Variants in FAM120C observed in about 807,000 individuals in gnomAD.
The protein encoded by FAM120C is constitutive coactivator of PPAR-gamma-like protein 2.
Under a neutral mutation model 71.2 loss-of-function variants are expected in FAM120C, and 14 were observed. The ratio of observed to expected loss-of-function variants is 0.20; its 90% CI spans 0.13 to 0.31. FAM120C has a LOEUF of 0.31. Among genes scored for constraint, FAM120C ranks in the 10% least tolerant of loss-of-function variants. The pLI is 1.00. For synonymous variants in FAM120C, 354 were observed against 353.2 expected, an observed-to-expected ratio of 1.00 and a Z score of -0.03; for missense variants, 500 against 879.0, an observed-to-expected ratio of 0.57 and a Z score of 5.45.
At chrX:54,091,109 C>T (rs2066821870) in intron 11 of FAM120C, among the ~76,000 whole-genome samples, 1 of 112,235 alleles carries the variant, frequency 8.9e-6, no homozygotes, top group Non-Finnish European at 1.9e-5. Flanking sequence ...TCCATCTTTT[C>T]TGTCCATTCT....
chrX:54,125,195 C>T (rs1349346959), intron 9 of FAM120C, among the ~76,000 whole-genome samples: 1 of 95,940 alleles, frequency 1.0e-5, no homozygotes, highest in Admixed American at 1.2e-4. Context: ...GGTAATAGAG[C>T]GAGACTCTGT....
At chrX:54,143,609 A>G (rs1351562059) in intron 4 of FAM120C, among the ~76,000 whole-genome samples, 1 of 112,129 alleles carries the variant, frequency 8.9e-6, no homozygotes, top group Non-Finnish European at 1.9e-5. Flanking sequence ...TCCCAAGACT[A>G]AACCAGGAAA....
chrX:54,124,537 TGA>T (rs1317633748), intron 9 of FAM120C, among the ~76,000 whole-genome samples: 1 of 97,812 alleles, frequency 1.0e-5, no homozygotes, highest in Non-Finnish European at 2.1e-5. Flanking sequence ...CCTGACCCCT[TGA>T]GCTTCCCAGG....
rs782447456 is a variant in FAM120C at position 54,073,256 on chromosome X, T to C, written c.3068A>G (p.Glu1023Gly). ...GSSDGVSKSLELHQGRSRSQV... is the reference protein window; with the variant it reads ...GSSDGVSKSLGLHQGRSRSQV... ...GGAGCGAGACCGACCTTGATGAAGC[T>C]CCAGGGATTTAGAAACTCCATCTGA... The change falls in exon 16 of 16, where the codon GAG becomes GGG. Residue 1023 changes from glutamate (E) to glycine (G), a missense_variant. By Grantham distance (98) the Glu-to-Gly change is moderately conservative (BLOSUM62 -2). This residue lies in a region of FAM120C where 85 missense variants were observed against 96.1 expected (regional missense o/e 0.88). Coordinates refer to ENST00000375180, the MANE Select transcript of FAM120C (RefSeq NM_017848.6). 1 of 1,206,177 alleles carries C rather than the reference T, an allele frequency of 8.3e-7. No homozygotes were observed.
In FAM120C at chrX:54,113,737, C is replaced by T. The variant is rs1203527183; in HGVS notation, c.2312+2808G>A. 2.8e-5 allele frequency among the ~76,000 whole-genome samples: 3 copies of T among 106,138 alleles called. 1 individual carries two copies. Among genetic ancestry groups the T allele is most frequent in the Admixed American group, 2.1e-4 (2 of 9,735 alleles). 92.2% of individuals were successfully genotyped at this position (106,138 alleles called of 115,157 possible). A position where few individuals can be genotyped will look rare whatever the true frequency, so the allele number is the denominator to read the frequency against. ...GACCAGCCTCAACATGGAGAAACCCCGTCTCTACTGAAAAAAAAAAAATAC... is the reference window on the plus strand; with the variant it reads ...GACCAGCCTCAACATGGAGAAACCCTGTCTCTACTGAAAAAAAAAAAATAC... On this transcript the variant is annotated intron_variant, in intron 10 of 15. Coordinates refer to ENST00000375180, the MANE Select transcript of FAM120C (RefSeq NM_017848.6).
intron 15 of FAM120C, among the ~76,000 whole-genome samples, chrX:54,075,589 G>C (rs1461702111): frequency 9.2e-6 from 1 of 108,884 alleles, no homozygotes; most frequent in Non-Finnish European, 1.9e-5. Flanking sequence ...ACAAGGTCAG[G>C]GGTTGAGCAC....
chrX:54,078,346 G>A (rs1006932884), intron 15 of FAM120C, among the ~76,000 whole-genome samples: 1 of 111,086 alleles, frequency 9.0e-6, no homozygotes, highest in African/African-American at 3.3e-5. Flanking sequence ...ACTACCTTAC[G>A]AGAGCCTATC....
intron 11 of FAM120C, among the ~76,000 whole-genome samples, chrX:54,089,737 G>A (rs782555372): frequency 3.6e-5 from 4 of 110,823 alleles, no homozygotes; most frequent in Non-Finnish European, 7.6e-5. Context: ...CAAGGTGGGC[G>A]GATCACCCGA....
intron 15 of FAM120C, among the ~76,000 whole-genome samples, chrX:54,078,931 G>A (rs1652039713): frequency 1.8e-5 from 2 of 109,050 alleles, no homozygotes; most frequent in Non-Finnish European, 3.8e-5. Flanking sequence ...TTAAGAGGCT[G>A]GAGGATCACT....
chrX:54,095,149 A>C (rs1386980556), intron 10 of FAM120C, among the ~76,000 whole-genome samples: 1 of 111,890 alleles, frequency 8.9e-6, no homozygotes, highest in East Asian at 2.8e-4. Flanking sequence ...AGGTGCTTTT[A>C]GTTACCATTT....
rs1343945954 is a variant in FAM120C, at chrX:54,069,481, T to C, written c.*3552A>G. 9.0e-6 allele frequency: 1 copy of C among 111,016 alleles called. No individual in the cohort carries two copies. Among genetic ancestry groups the C allele is most frequent in the Non-Finnish European group, 1.9e-5 (1 of 53,033 alleles). 9.1% of individuals were successfully genotyped at this position (111,016 alleles called of 1,213,427 possible). A position where few individuals can be genotyped will look rare whatever the true frequency, so the allele number is the denominator to read the frequency against. On this transcript the variant is annotated 3_prime_UTR_variant, in exon 16 of 16. Transcript: ENST00000375180. ...GGTCGTAGAGGCTGTAATGGTAACA[T>C]TGACATGCCCACAGGAGCCTTGTAA...
At position 54,152,723 on chromosome X, in the gene FAM120C, C is replaced by A. The variant is rs1456593005; in HGVS notation, c.1030-1350G>T. On this transcript the variant is annotated intron_variant, in intron 3 of 15. Coordinates refer to ENST00000375180, the MANE Select transcript of FAM120C (RefSeq NM_017848.6). Reference sequence around the variant, plus strand: ...TCTGAATTTTTATAAATTGTTTTGCCAAAAGGCTTTATTATTCATTCCTTA... The same window carrying A: ...TCTGAATTTTTATAAATTGTTTTGCAAAAAGGCTTTATTATTCATTCCTTA... Among the ~76,000 whole-genome samples, 3 of 112,232 alleles carry A rather than the reference C, an allele frequency of 2.7e-5. No individual in the cohort carries two copies. The Admixed American group carries it at 2.8e-4, about 11-fold the overall frequency.
chrX:54,131,427 C>T (rs2067065314), intron 9 of FAM120C, among the ~76,000 whole-genome samples: 1 of 108,913 alleles, frequency 9.2e-6, no homozygotes, highest in Non-Finnish European at 1.9e-5. Context: ...TGCCACCATG[C>T]CCAGCTAATT....
chrX:54,115,918 C>G (rs1217736338), intron 10 of FAM120C, among the ~76,000 whole-genome samples: 1 of 110,971 alleles, frequency 9.0e-6, no homozygotes, highest in South Asian at 3.9e-4. Flanking sequence ...CCCATCTCTA[C>G]TAAAAATACA....
chrX:54,110,305 A>T (rs902683317), intron 10 of FAM120C, among the ~76,000 whole-genome samples: 4 of 109,559 alleles, frequency 3.7e-5, no homozygotes, highest in African/African-American at 1.3e-4. Context: ...TATCTTTATG[A>T]CTTAGGGGTA....
chrX:54,170,447 T>G lies in FAM120C; in HGVS notation c.700-10831A>C, dbSNP rs1349881940. Reference sequence around the variant, plus strand: ...CGTGCCCGGCCCAATTTTAGTACTCTTAATTACTCTTAGGCTGCCAGAAGC... The same window carrying G: ...CGTGCCCGGCCCAATTTTAGTACTCGTAATTACTCTTAGGCTGCCAGAAGC... On this transcript the variant is annotated intron_variant, in intron 1 of 15. Coordinates refer to ENST00000375180, the MANE Select transcript of FAM120C (RefSeq NM_017848.6). Among the ~76,000 whole-genome samples, 3 of 111,961 alleles carry G rather than the reference T, an allele frequency of 2.7e-5. No individual in the cohort carries two copies. In the Admixed American group the frequency reaches 2.9e-4, roughly 11 times the overall value.
chrX:54,136,690 T>C lies in FAM120C; in HGVS notation c.1159-100A>G. 11 of 622,577 alleles carry C rather than the reference T, an allele frequency of 1.8e-5. No homozygotes were observed. The South Asian group carries it at 2.7e-4, about 15-fold the overall frequency. 51.3% of individuals were successfully genotyped at this position (622,577 alleles called of 1,213,427 possible). A position where few individuals can be genotyped will look rare whatever the true frequency, so the allele number is the denominator to read the frequency against. ...ATCAAAATAATTATCAGAAATCAAATATTTAAAGAAACCTAAGAAAGCAAA... is the reference window on the plus strand; with the variant it reads ...ATCAAAATAATTATCAGAAATCAAACATTTAAAGAAACCTAAGAAAGCAAA... On this transcript the variant is annotated intron_variant, in intron 4 of 15. Coordinates refer to ENST00000375180, the MANE Select transcript of FAM120C (RefSeq NM_017848.6).
intron 1 of FAM120C, among the ~76,000 whole-genome samples, chrX:54,162,229 CCT>C (rs2067239075): frequency 9.0e-6 from 1 of 111,408 alleles, no homozygotes; most frequent in African/African-American, 3.3e-5. Flanking sequence ...TTCCGCAATA[CCT>C]CTCTCCTAAC....
intron 10 of FAM120C, among the ~76,000 whole-genome samples, chrX:54,110,824 C>G (rs1200023354): frequency 9.0e-6 from 1 of 110,725 alleles, no homozygotes; most frequent in Non-Finnish European, 1.9e-5. Context: ...CTTTGCGAGG[C>G]TGAGGCGGGA....
Sources: allele counts gnomAD v4.1 joint callset (sites outside exome capture counted in the v4.1 genomes callset), GRCh38; gene constraint gnomAD v4.1.1; regional missense constraint gnomAD v4.1.1; transcripts MANE v1.5; gene names NCBI Gene and HGNC (gene_info 2026-07-23, HGNC 2026-07-21).